GLDN: variants seen among roughly 807,000 people sequenced by gnomAD.
The protein encoded by GLDN is gliomedin.
In GLDN, 47 loss-of-function variants were observed where a neutral mutation model predicts 56.5. The ratio of observed to expected loss-of-function variants is 0.83; its 90% CI spans 0.66 to 1.06. The LOEUF is 1.06. Ranked by LOEUF, GLDN falls within the 50% of genes least tolerant of loss-of-function variation. GLDN has a pLI of 0.00. For missense variants in GLDN, 782 were observed against 714.3 expected, an observed-to-expected ratio of 1.09 and a Z score of -1.08; for synonymous variants, 332 against 278.8, an observed-to-expected ratio of 1.19 and a Z score of -1.90.
At chr15:51,409,671 C>T (rs970351890), downstream of GLDN, among the ~76,000 whole-genome samples, 7 of 152,214 alleles carry the variant, frequency 4.6e-5, no homozygotes, top group African/African-American at 1.4e-4. Flanking sequence ...AAAAGGTCAA[C>T]ACTGGATGGG....
chr15:51,401,022 G>C (rs934346711), intron 8 of GLDN, among the ~76,000 whole-genome samples: 1 of 152,212 alleles, frequency 6.6e-6, no homozygotes, highest in African/African-American at 2.4e-5. Flanking sequence ...GGAATTGCTA[G>C]TGGTAGTAAC....
At chr15:51,409,452 AG>A (rs770408636), downstream of GLDN, among the ~76,000 whole-genome samples, 7 of 152,182 alleles carry the variant, frequency 4.6e-5, no homozygotes, top group Non-Finnish European at 8.8e-5. Context: ...TTCACTGTAA[AG>A]GTTTTAAATA....
At chr15:51,412,359 A>C (rs899638032), downstream of GLDN, among the ~76,000 whole-genome samples, 2 of 152,172 alleles carry the variant, frequency 1.3e-5, no homozygotes, top group African/African-American at 4.8e-5. Context: ...AAAGACATCC[A>C]CATAGGAGGA....
At position 51,404,346 on chromosome 15, in the gene GLDN, C is replaced by T. The variant is rs2038322266; in HGVS notation, c.1248C>T (p.Tyr416=). 1 of 1,613,456 alleles carries T rather than the reference C, an allele frequency of 6.2e-7. No homozygotes were observed. ...LENALYFDRK[Y]LFANSKTYFN... ...ATGCCTTGTATTTTGATCGAAAATACCTTTTTGCAAATTCCAAAACTTACT... is the reference window on the plus strand; with the variant it reads ...ATGCCTTGTATTTTGATCGAAAATATCTTTTTGCAAATTCCAAAACTTACT... The change falls in exon 10 of 10, where the codon TAC becomes TAT. Residue 416 remains tyrosine, a synonymous_variant. Transcript: ENST00000335449.
chr15:51,343,762 A>G (rs956783746), intron 1 of GLDN, among the ~76,000 whole-genome samples: 2 of 152,102 alleles, frequency 1.3e-5, no homozygotes, highest in Non-Finnish European at 2.9e-5. Context: ...TCATCTTACT[A>G]CTCACTTTCC....
chr15:51,342,753 G>A (rs2036909602), intron 1 of GLDN, among the ~76,000 whole-genome samples: 1 of 152,144 alleles, frequency 6.6e-6, no homozygotes, highest in Non-Finnish European at 1.5e-5. Context: ...CTCCCCACTG[G>A]GCTCCAGGGA....
chr15:51,355,882 G>GTC (rs1189935220), intron 1 of GLDN, among the ~76,000 whole-genome samples: 2 of 150,212 alleles, frequency 1.3e-5, no homozygotes, highest in African/African-American at 4.9e-5. Flanking sequence ...CTGACCTCCT[G>GTC]TCTCATCCTG....
intron 2 of GLDN, among the ~76,000 whole-genome samples, chr15:51,379,891 G>A (rs984485305): frequency 9.2e-5 from 14 of 152,156 alleles, no homozygotes; most frequent in African/African-American, 3.4e-4. Flanking sequence ...GTTTTGGTGT[G>A]AGTTTTTATC....
At chr15:51,397,418 C>T in intron 5 of GLDN, 52 bp from the exon 6 acceptor site, 2 of 888,588 alleles carry the variant, frequency 2.3e-6, no homozygotes, top group Non-Finnish European at 1.5e-6. Flanking sequence ...CTCTCCCCTT[C>T]CCCCTTCTAC....
chr15:51,393,073 C>T (rs2038055399), intron 4 of GLDN, among the ~76,000 whole-genome samples: 1 of 152,094 alleles, frequency 6.6e-6, no homozygotes, highest in Admixed American at 6.5e-5. Flanking sequence ...TTGTAGATGT[C>T]CTTTTCCAGA....
chr15:51,383,841 C>T lies in GLDN; in HGVS notation c.490C>T (p.Pro164Ser). The T allele has an allele frequency of 1.2e-6, 2 of 1,612,750 alleles. No individual in the cohort carries two copies. Among genetic ancestry groups the T allele is most frequent in the South Asian group, 1.1e-5 (1 of 90,734 alleles). Reference protein sequence around the residue: ...GHNGLDGQPGPQGPKGEKGAN... With the variant: ...GHNGLDGQPGSQGPKGEKGAN... ...CAACGGATTGGATGGACAGCCTGGT[C>T]CTCAGGGCCCAAAAGGAGAAAAAGG... The change falls in exon 4 of 10, where the codon CCT becomes TCT. Residue 164 changes from proline to serine, a missense_variant. Pro to Ser is a moderately conservative substitution (Grantham distance 74). Transcript: ENST00000335449.
In GLDN at chr15:51,404,402, G is replaced by A. The variant is rs771521301; in HGVS notation, c.1304G>A (p.Trp435Ter). 4.3e-6 allele frequency: 7 copies of A among 1,614,012 alleles called. No individual in the cohort carries two copies. Among genetic ancestry groups the A allele is most frequent in the Non-Finnish European group, 5.9e-6 (7 of 1,180,022 alleles). Reference sequence around the variant, plus strand: ...CTAGCTGTAGATGAAAAGGGCCTTTGGATTATCTATGCGTCAAGTGTGGAC... The same window carrying A: ...CTAGCTGTAGATGAAAAGGGCCTTTAGATTATCTATGCGTCAAGTGTGGAC... Reference protein sequence around the residue: ...FNLAVDEKGLWIIYASSVDGS... With the variant: ...FNLAVDEKGL The change falls in exon 10 of 10, where the codon TGG becomes TAG. Residue 435 changes from tryptophan (W) to a stop codon, truncating the protein, a stop_gained. Coordinates refer to ENST00000335449, the MANE Select transcript of GLDN (RefSeq NM_181789.4). LOFTEE classifies it high-confidence loss of function.
intron 4 of GLDN, among the ~76,000 whole-genome samples, chr15:51,393,478 A>G (rs1162691149): frequency 6.6e-6 from 1 of 152,134 alleles, no homozygotes; most frequent in Non-Finnish European, 1.5e-5. Flanking sequence ...GAGCCCTGAT[A>G]ATTTTATAGT....
intron 2 of GLDN, among the ~76,000 whole-genome samples, chr15:51,383,217 C>A (rs977204350): frequency 6.6e-6 from 1 of 152,184 alleles, no homozygotes; most frequent in Non-Finnish European, 1.5e-5. Flanking sequence ...AGAAATTAAT[C>A]TTGGTTCATT....
intron 2 of GLDN, among the ~76,000 whole-genome samples, chr15:51,379,110 G>A (rs911154512): frequency 6.6e-6 from 1 of 152,236 alleles, no homozygotes; most frequent in Non-Finnish European, 1.5e-5. Flanking sequence ...CGGCAGTCAG[G>A]ACAGATGCTA....
chr15:51,375,895 G>T (rs1251362491), intron 1 of GLDN, among the ~76,000 whole-genome samples: 2 of 152,090 alleles, frequency 1.3e-5, no homozygotes, highest in African/African-American at 4.8e-5. Context: ...TTTTATTCAG[G>T]CCCAAAAATT....
At chr15:51,353,594 G>A (rs929381111) in intron 1 of GLDN, among the ~76,000 whole-genome samples, 3 of 151,782 alleles carry the variant, frequency 2.0e-5, no homozygotes, top group Non-Finnish European at 1.5e-5. Context: ...TTGAGAAAAT[G>A]TGAGTGGAAG....
intron 1 of GLDN, chr15:51,369,227 G>T (rs966782008): frequency 2.0e-5 from 3 of 152,238 alleles, no homozygotes; most frequent in Non-Finnish European, 2.9e-5. Flanking sequence ...TCAGCCAATG[G>T]TAAGGTGAAT....
intron 2 of GLDN, among the ~76,000 whole-genome samples, chr15:51,382,736 A>AGAAAAG (rs2037793735): frequency 1.3e-5 from 2 of 149,928 alleles, no homozygotes; most frequent in East Asian, 2.0e-4. Context: ...CAAAAAAAAA[A>AGAAAAG]AAAAGAAAAG....
Sources: allele counts gnomAD v4.1 joint callset (sites outside exome capture counted in the v4.1 genomes callset), GRCh38; gene constraint gnomAD v4.1.1; transcripts MANE v1.5; gene names NCBI Gene and HGNC (gene_info 2026-07-23, HGNC 2026-07-21).